Variants in RALGAPA2 observed in about 807,000 individuals in gnomAD.
The protein encoded by RALGAPA2 is Ral GTPase activating protein catalytic subunit alpha 2.
A neutral mutation model predicts 230.4 loss-of-function variants in RALGAPA2; 139 were observed. That is an observed-to-expected ratio of 0.60 (90% CI 0.53 to 0.69). The LOEUF (loss-of-function observed/expected upper bound fraction) is 0.69. RALGAPA2 is among the 30% of genes least tolerant of loss of function. The probability of loss-of-function intolerance (pLI) is 0.00; values close to 1 mark genes in which losing one functional copy is unlikely to be tolerated. For missense variants in RALGAPA2, 2,163 were observed against 2,276.0 expected, an observed-to-expected ratio of 0.95 and a Z score of 1.01; for synonymous variants, 847 against 837.8, an observed-to-expected ratio of 1.01 and a Z score of -0.19.
chr20:20,489,729 G>C (rs570326953), intron 36 of RALGAPA2, among the ~76,000 whole-genome samples: 9 of 152,306 alleles, frequency 5.9e-5, no homozygotes, highest in Middle Eastern at 3.4e-3. Flanking sequence ...CATCCTCCTT[G>C]CTGGGCTGAG....
intron 1 of RALGAPA2, among the ~76,000 whole-genome samples, chr20:20,710,852 C>CA (rs1214497712): frequency 1.3e-5 from 2 of 152,184 alleles, no homozygotes; most frequent in African/African-American, 4.8e-5. Context: ...GAAAAAGGCT[C>CA]AAAGTATCAA....
intron 23 of RALGAPA2, among the ~76,000 whole-genome samples, chr20:20,553,423 A>C (rs953287447): frequency 7.2e-5 from 11 of 151,798 alleles, no homozygotes; most frequent in African/African-American, 2.7e-4. Flanking sequence ...GTGGTGGTAC[A>C]CTCCTGTGGT....
chr20:20,648,359 A>G (rs973349092), intron 4 of RALGAPA2, among the ~76,000 whole-genome samples: 3 of 151,982 alleles, frequency 2.0e-5, no homozygotes, highest in African/African-American at 7.3e-5. Flanking sequence ...ATGAGAAAAG[A>G]TGGGAGAGCG....
chr20:20,458,089 C>A (rs532425643), intron 37 of RALGAPA2, among the ~76,000 whole-genome samples: 1 of 152,140 alleles, frequency 6.6e-6, no homozygotes, highest in Non-Finnish European at 1.5e-5. Flanking sequence ...GTCAGCAATG[C>A]GCCCTTAGCC....
chr20:20,513,033 C>T lies in RALGAPA2; in HGVS notation c.4336G>A (p.Gly1446Arg). Reference protein sequence around the residue: ...LISYLQTPTEGPVGGSPVGSL... With the variant: ...LISYLQTPTERPVGGSPVGSL... ...CCCACTGGTGATCCCCCTACCGGTCCTTCTGTGGGTGTCTGAAGGTAGGAG... is the reference window on the plus strand; with the variant it reads ...CCCACTGGTGATCCCCCTACCGGTCTTTCTGTGGGTGTCTGAAGGTAGGAG... Residue 1446 changes from glycine (G) to arginine (R), a missense_variant, in exon 32 of 40, where the codon GGA becomes AGA. Gly to Arg is a moderately radical substitution (Grantham distance 125). Coordinates refer to ENST00000202677, the MANE Select transcript of RALGAPA2 (RefSeq NM_020343.4). The T allele has an allele frequency of 6.2e-7, 1 of 1,612,368 alleles. No homozygotes were observed.
intron 4 of RALGAPA2, among the ~76,000 whole-genome samples, chr20:20,646,553 ATTCTATGAATTTCTAATTTCTATTGGC>A: frequency 6.6e-6 from 1 of 152,330 alleles, no homozygotes; most frequent in Middle Eastern, 3.4e-3. Context: ...ACTTGGGCTG[ATTCTATGAATTTCTAATTTCTATTGGC>A]TAACTTTTAC....
intron 16 of RALGAPA2, among the ~76,000 whole-genome samples, chr20:20,600,830 A>C (rs753366992): frequency 1.3e-5 from 2 of 152,218 alleles, no homozygotes; most frequent in Non-Finnish European, 2.9e-5. Context: ...GGGCGGGCGC[A>C]GTGGCTCACG....
At chr20:20,413,531 AAGT>A (rs1365016346) in intron 37 of RALGAPA2, among the ~76,000 whole-genome samples, 1 of 150,432 alleles carries the variant, frequency 6.6e-6, no homozygotes, top group Non-Finnish European at 1.5e-5. Context: ...GAATTAATTA[AAGT>A]AAAGAGCTAA....
intron 31 of RALGAPA2, 129 bp downstream of exon 31, chr20:20,520,788 C>T (rs2063013440): frequency 2.8e-6 from 2 of 719,754 alleles, no homozygotes; most frequent in East Asian, 3.0e-5. Context: ...AATTTGCCAT[C>T]ACAGAGGACT....
intron 1 of RALGAPA2, among the ~76,000 whole-genome samples, chr20:20,683,549 C>CCCCT (rs2068594793): frequency 6.6e-6 from 1 of 152,190 alleles, no homozygotes; most frequent in African/African-American, 2.4e-5. Flanking sequence ...TCACTTGGGG[C>CCCCT]CCCTGCAGGA....
chr20:20,669,317 T>G (rs2146735634), intron 3 of RALGAPA2, among the ~76,000 whole-genome samples: 2 of 152,338 alleles, frequency 1.3e-5, no homozygotes, highest in Admixed American at 1.3e-4. Flanking sequence ...CTGAATTAAC[T>G]ATATTGTCTT....
intron 4 of RALGAPA2, among the ~76,000 whole-genome samples, chr20:20,648,575 G>C (rs1266817946): frequency 6.6e-6 from 1 of 152,042 alleles, no homozygotes; most frequent in Non-Finnish European, 1.5e-5. Context: ...CAGGCGACCT[G>C]GAAGTGATTG....
intron 9 of RALGAPA2, among the ~76,000 whole-genome samples, chr20:20,633,748 G>A (rs746154119): frequency 6.6e-6 from 1 of 152,164 alleles, no homozygotes; most frequent in Non-Finnish European, 1.5e-5. Context: ...AAAGTGCTGG[G>A]AATACAGGTG....
intron 30 of RALGAPA2, among the ~76,000 whole-genome samples, chr20:20,522,569 T>C (rs957647765): frequency 6.6e-6 from 1 of 152,138 alleles, no homozygotes; most frequent in Non-Finnish European, 1.5e-5. Context: ...CCAGTGGCTA[T>C]GGGGAGGCAC....
intron 23 of RALGAPA2, among the ~76,000 whole-genome samples, chr20:20,550,114 T>A (rs1220764102): frequency 6.6e-6 from 1 of 152,124 alleles, no homozygotes; most frequent in East Asian, 1.9e-4. Context: ...CTATACCCAA[T>A]TTGTAGTCTT....
At chr20:20,528,892 C>CA (rs1184731461) in intron 27 of RALGAPA2, among the ~76,000 whole-genome samples, 2 of 152,214 alleles carry the variant, frequency 1.3e-5, no homozygotes, top group Non-Finnish European at 2.9e-5. Flanking sequence ...CCAAGGCCCC[C>CA]ACTGCCTCCT....
rs2062697451 is a variant in RALGAPA2, at chr20:20,511,279, GCT to G, written c.4901_4902del (p.Glu1634AlafsTer11). 2.5e-6 allele frequency: 4 copies of G among 1,569,744 alleles called. No individual in the cohort carries two copies. The highest frequency in any genetic ancestry group is 2.7e-5 in the African/African-American group (2 of 73,976). ...LLKKNSKLLR[E>X]LKNLDSRQCR... The stretch of plus-strand genomic sequence containing the variant: ...CACTGGCGGGAGTCCAAATTTTTCA[GCT>G]CTCTCAATAATTTTGAATTTTTCTT... On this transcript the variant is annotated frameshift_variant, in exon 33 of 40. Coordinates refer to ENST00000202677, the MANE Select transcript of RALGAPA2 (RefSeq NM_020343.4). LOFTEE classifies it high-confidence loss of function.
intron 3 of RALGAPA2, among the ~76,000 whole-genome samples, chr20:20,667,607 T>G (rs1394345313): frequency 6.6e-6 from 1 of 152,248 alleles, no homozygotes; most frequent in Admixed American, 6.5e-5. Context: ...ACATGTCATC[T>G]GCACTTGCTG....
At chr20:20,639,161 T>G (rs932122562) in intron 7 of RALGAPA2, among the ~76,000 whole-genome samples, 1 of 152,066 alleles carries the variant, frequency 6.6e-6, no homozygotes, top group Non-Finnish European at 1.5e-5. Flanking sequence ...GTGAACTCAG[T>G]AGAGATTATT....
Sources: gnomAD v4.1 joint callset for allele counts (sites outside exome capture counted in the v4.1 genomes callset) on GRCh38, gnomAD v4.1.1 for gene constraint, MANE v1.5 for transcripts, NCBI Gene and HGNC (gene_info 2026-07-23, HGNC 2026-07-21) for gene names.